ANXA7: variants seen among roughly 807,000 people sequenced by gnomAD.
ANXA7 encodes the protein annexin A7, also known as annexin VII.
A neutral mutation model predicts 64.9 loss-of-function variants in ANXA7; 55 were observed. The observed-to-expected ratio is 0.85, with a 90% CI of 0.68 to 1.06. The LOEUF (loss-of-function observed/expected upper bound fraction) is 1.06, where lower values mean the gene tolerates loss of function less well. Among genes scored for constraint, ANXA7 ranks in the 50% least tolerant of loss-of-function variants. The probability of loss-of-function intolerance (pLI) is 0.00; values close to 1 mark genes in which losing one functional copy is unlikely to be tolerated. For synonymous variants in ANXA7, 200 were observed against 192.4 expected (o/e 1.04, Z -0.33); for missense variants, 548 against 582.1 (o/e 0.94, Z 0.60).
At chr10:73,393,394 T>C (rs2055517627) in intron 5 of ANXA7, among the ~76,000 whole-genome samples, 1 of 152,270 alleles carries the variant, frequency 6.6e-6, no homozygotes, top group Non-Finnish European at 1.5e-5. Context: ...AGAGCCCACA[T>C]TGCCAAGACA....
chr10:73,385,415 A>G (rs1262138406), intron 7 of ANXA7, among the ~76,000 whole-genome samples: 1 of 152,206 alleles, frequency 6.6e-6, no homozygotes. Flanking sequence ...TGGAAATGAG[A>G]AGGAACAAAG....
At chr10:73,403,921 G>A (rs1295116511) in intron 1 of ANXA7, among the ~76,000 whole-genome samples, 3 of 152,188 alleles carry the variant, frequency 2.0e-5, no homozygotes, top group African/African-American at 7.2e-5. Context: ...TAAGGATGTT[G>A]TTGTAAGAAT....
chr10:73,404,365 G>A lies in ANXA7; in HGVS notation c.-1-3508C>T, dbSNP rs191523159. On this transcript the variant is annotated intron_variant, in intron 1 of 12. Transcript: ENST00000372921. The stretch of plus-strand genomic sequence containing the variant: ...CTTCAAAAGGTGCTCATTTCCATTT[G>A]GAAAAGTAAACAATAACCTGCACAT... Among the ~76,000 whole-genome samples, 403 of 152,202 alleles carry A rather than the reference G, an allele frequency of 2.6e-3. 1 individual carries two copies. The highest frequency in any genetic ancestry group is 4.9e-3 in the Non-Finnish European group (332 of 68,012).
intron 3 of ANXA7, 58 bp from the exon 4 acceptor site, chr10:73,397,332 C>A: frequency 1.8e-6 from 2 of 1,083,660 alleles, no homozygotes; most frequent in South Asian, 3.4e-5. Flanking sequence ...GCAGAAAAAA[C>A]TTTAGAAAAA....
intron 7 of ANXA7, among the ~76,000 whole-genome samples, chr10:73,385,646 T>C (rs2055355962): frequency 6.6e-6 from 1 of 152,144 alleles, no homozygotes; most frequent in South Asian, 2.1e-4. Context: ...TTAGTTTTAA[T>C]TCTAAAGCAA....
At chr10:73,410,439 T>C (rs1257141448) in intron 1 of ANXA7, among the ~76,000 whole-genome samples, 1 of 152,088 alleles carries the variant, frequency 6.6e-6, no homozygotes, top group Non-Finnish European at 1.5e-5. Flanking sequence ...AAATGCAAAT[T>C]AACCACAATG....
chr10:73,378,291 T>G (rs937147475), intron 12 of ANXA7, among the ~76,000 whole-genome samples: 5 of 150,450 alleles, frequency 3.3e-5, no homozygotes, highest in Non-Finnish European at 5.9e-5. Flanking sequence ...GGTGACAGAA[T>G]TGCTTGAACC....
intron 5 of ANXA7, among the ~76,000 whole-genome samples, chr10:73,390,718 AT>A (rs1564526476): frequency 4.5e-4 from 52 of 115,036 alleles, no homozygotes; most frequent in African/African-American, 2.0e-3. Flanking sequence ...ATATATATAT[AT>A]AAAAATATAT....
rs1212105549 is a variant in ANXA7 at position 73,375,584 on chromosome 10, A to G, written c.*511T>C. 1 of 152,210 alleles carries G rather than the reference A, an allele frequency of 6.6e-6. No homozygotes were observed. Among genetic ancestry groups the G allele is most frequent in the Non-Finnish European group, 1.5e-5 (1 of 68,038 alleles). The allele number at this position is 152,210 out of a possible 1,614,324, so 9.4% of individuals were successfully genotyped here. On this transcript the variant is annotated 3_prime_UTR_variant, in exon 13 of 13. Transcript: ENST00000372921. ...CACAGGTAATACTAATCTATTTTCT[A>G]TGTGGAAAGTGTTTATGAATACAGA...
intron 5 of ANXA7, among the ~76,000 whole-genome samples, chr10:73,391,607 G>T (rs972012283): frequency 3.9e-5 from 6 of 152,064 alleles, no homozygotes; most frequent in African/African-American, 1.4e-4. Context: ...GCAGAGTGAG[G>T]CCCTGACTCA....
chr10:73,385,542 G>A (rs2055353692), intron 7 of ANXA7, among the ~76,000 whole-genome samples: 1 of 152,046 alleles, frequency 6.6e-6, no homozygotes, highest in African/African-American at 2.4e-5. Flanking sequence ...AGAAAAACAT[G>A]GACTCAAAGA....
chr10:73,400,389 A>T (rs1218208530), intron 2 of ANXA7, among the ~76,000 whole-genome samples: 8 of 152,130 alleles, frequency 5.3e-5, no homozygotes, highest in African/African-American at 1.4e-4. Flanking sequence ...CAAGGGCATT[A>T]AAAAAAAGAA....
intron 4 of ANXA7, 66 bp downstream of exon 4, chr10:73,397,098 C>T: frequency 1.4e-6 from 1 of 731,952 alleles, no homozygotes; most frequent in Non-Finnish European, 2.1e-6. Context: ...AACTAAGTTC[C>T]CTCAATGGTG....
chr10:73,392,445 A>C (rs2055500839), intron 5 of ANXA7, among the ~76,000 whole-genome samples: 1 of 152,218 alleles, frequency 6.6e-6, no homozygotes, highest in African/African-American at 2.4e-5. Context: ...CGATGCAAAA[A>C]TCCTCAATAA....
chr10:73,397,420 A>C (rs1006772436), intron 3 of ANXA7, 146 bp from the exon 4 acceptor site: 2 of 422,076 alleles, frequency 4.7e-6, no homozygotes, highest in African/African-American at 2.1e-5. Context: ...CAAAACTTCA[A>C]ATTCTCCAGT....
intron 7 of ANXA7, among the ~76,000 whole-genome samples, chr10:73,384,413 T>C (rs1264221253): frequency 6.6e-6 from 1 of 151,220 alleles, no homozygotes; most frequent in Non-Finnish European, 1.5e-5. Context: ...TTGTTGTTAT[T>C]TTTTTTGAGA....
intron 7 of ANXA7, among the ~76,000 whole-genome samples, chr10:73,385,213 A>G (rs1367407950): frequency 6.6e-6 from 1 of 152,256 alleles, no homozygotes; most frequent in Non-Finnish European, 1.5e-5. Context: ...CTGAATGCCA[A>G]GCTAAAGAAT....
chr10:73,379,445 A>G (rs936019813), intron 11 of ANXA7, among the ~76,000 whole-genome samples: 1 of 152,256 alleles, frequency 6.6e-6, no homozygotes, highest in Non-Finnish European at 1.5e-5. Context: ...GAAACTGGTT[A>G]ACTTCAAAAA....
At chr10:73,399,312 G>A (rs1406391204) in intron 2 of ANXA7, among the ~76,000 whole-genome samples, 1 of 152,210 alleles carries the variant, frequency 6.6e-6, no homozygotes, top group East Asian at 1.9e-4. Context: ...GGAGTTGTCT[G>A]TTTTAGCAAT....
Sources: gnomAD v4.1 joint callset for allele counts (sites outside exome capture counted in the v4.1 genomes callset) on GRCh38, gnomAD v4.1.1 for gene constraint, MANE v1.5 for transcripts, NCBI Gene and HGNC (gene_info 2026-07-23, HGNC 2026-07-21) for gene names.